OR51B5: variants seen among roughly 807,000 people sequenced by gnomAD.
The protein encoded by OR51B5 is olfactory receptor family 51 subfamily B member 5.
For synonymous variants in OR51B5, 186 were observed against 144.8 expected (o/e 1.28, Z -2.04); for missense variants, 456 against 374.6 (o/e 1.22, Z -1.79).
chr11:5,367,291 G>A (rs1387249206), intron 1 of OR51B5, among the ~76,000 whole-genome samples: 2 of 152,112 alleles, frequency 1.3e-5, no homozygotes, highest in African/African-American at 4.8e-5. Flanking sequence ...GAAAGAATTT[G>A]GGGCAAATCC....
At chr11:5,389,163 C>G (rs1849750150) in intron 1 of OR51B5, among the ~76,000 whole-genome samples, 1 of 151,960 alleles carries the variant, frequency 6.6e-6, no homozygotes, top group African/African-American at 2.4e-5. Flanking sequence ...TAAAGGCACA[C>G]CAGCAAAGAG....
chr11:5,481,062 G>C lies in OR51B5; in HGVS notation n.84+24507C>G, dbSNP rs1301266613. On this transcript the variant is annotated intron_variant and non_coding_transcript_variant, in intron 1 of 4. Transcript: ENST00000415970. ...CAGGCAGAGACACAACCAAAAAAGA[G>C]AATTTTAGACCAATATCCTTGATGA... 3.1e-4 allele frequency among the ~76,000 whole-genome samples: 18 copies of C among 57,402 alleles called. No individual in the cohort carries two copies. In the South Asian group the frequency reaches 0.017, roughly 54 times the overall value. The allele number at this position is 57,402 out of a possible 152,430, so 37.7% of individuals were successfully genotyped here.
chr11:5,475,815 T>C (rs1042164393), intron 1 of OR51B5, among the ~76,000 whole-genome samples: 3 of 152,182 alleles, frequency 2.0e-5, no homozygotes, highest in African/African-American at 7.2e-5. Context: ...CATAACAGCA[T>C]CAGCATTCCT....
At chr11:5,420,612 C>T (rs2736592) in intron 1 of OR51B5, among the ~76,000 whole-genome samples, 124,862 of 151,998 alleles carry the variant, frequency 0.82, 52,099 homozygotes, top group Non-Finnish European at 0.89. Flanking sequence ...ATTATATCTA[C>T]TTGTCTTTCT....
chr11:5,362,483 T>C (rs4910769), intron 1 of OR51B5: 55,096 of 154,938 alleles, frequency 0.36, 10,263 homozygotes, highest in Non-Finnish European at 0.39. Flanking sequence ...CTGGATACTA[T>C]GAATCAGAAT....
At chr11:5,355,647 AAAGT>A (rs1365056528) in intron 1 of OR51B5, 17 of 152,286 alleles carry the variant, frequency 1.1e-4, no homozygotes, top group African/African-American at 3.9e-4. Context: ...AGACTGTCCT[AAAGT>A]AAGATAGGTG....
At chr11:5,393,073 A>T (rs1008275113) in intron 1 of OR51B5, 4 of 152,250 alleles carry the variant, frequency 2.6e-5, no homozygotes, top group Admixed American at 2.0e-4. Flanking sequence ...TGTCTCAGAA[A>T]TGCCACTTCT....
intron 1 of OR51B5, among the ~76,000 whole-genome samples, chr11:5,370,785 A>G (rs1849435889): frequency 6.6e-6 from 1 of 152,204 alleles, no homozygotes; most frequent in Non-Finnish European, 1.5e-5. Context: ...TATAGCTGCT[A>G]TGAAAGAAAG....
At chr11:5,448,572 T>C (rs1356360066) in intron 1 of OR51B5, among the ~76,000 whole-genome samples, 4 of 152,168 alleles carry the variant, frequency 2.6e-5, no homozygotes, top group African/African-American at 9.7e-5. Flanking sequence ...TAATGATATA[T>C]TAGCTTAAAC....
At chr11:5,406,145 G>A (rs956439230) in intron 1 of OR51B5, among the ~76,000 whole-genome samples, 1 of 152,142 alleles carries the variant, frequency 6.6e-6, no homozygotes, top group Admixed American at 6.5e-5. Flanking sequence ...TTTTCTTTCT[G>A]AGATTGCATA....
At chr11:5,380,436 T>A (rs1413501163) in intron 1 of OR51B5, among the ~76,000 whole-genome samples, 1 of 152,162 alleles carries the variant, frequency 6.6e-6, no homozygotes. Context: ...ATGGAGTTCT[T>A]CTGGGAAGGA....
intron 1 of OR51B5, among the ~76,000 whole-genome samples, chr11:5,411,307 G>C (rs184621917): frequency 6.6e-6 from 1 of 152,276 alleles, no homozygotes; most frequent in Admixed American, 6.5e-5. Context: ...GTATTCAGTA[G>C]AGCAACATGT....
chr11:5,357,761 T>A (rs924628722), intron 1 of OR51B5, among the ~76,000 whole-genome samples: 9 of 149,708 alleles, frequency 6.0e-5, no homozygotes, highest in Non-Finnish European at 1.3e-4. Context: ...CCTCAGCAAA[T>A]GTAAAAGAAC....
intron 1 of OR51B5, among the ~76,000 whole-genome samples, chr11:5,411,213 T>C (rs1850144497): frequency 6.6e-6 from 1 of 152,208 alleles, no homozygotes; most frequent in African/African-American, 2.4e-5. Flanking sequence ...TCATTGTTTA[T>C]CTGTTGTAGC....
At chr11:5,354,463 A>AGACAAGATAAAAAGTCCAAGAGAGGT (rs1849155371) in intron 1 of OR51B5, among the ~76,000 whole-genome samples, 2 of 149,878 alleles carry the variant, frequency 1.3e-5, no homozygotes, top group Admixed American at 1.3e-4. Flanking sequence ...TGTGATGAAG[A>AGACAAGATAAAAAGTCCAAGAGAGGT]GACAAGATAA....
intron 1 of OR51B5, among the ~76,000 whole-genome samples, chr11:5,365,334 A>G (rs1158639868): frequency 6.6e-6 from 1 of 152,202 alleles, no homozygotes; most frequent in African/African-American, 2.4e-5. Context: ...TAGAGCATAC[A>G]CTGATGCCAA....
At chr11:5,430,956 G>A (rs753430363) in intron 1 of OR51B5, 25 of 456,854 alleles carry the variant, frequency 5.5e-5, no homozygotes, top group African/African-American at 4.4e-4. Context: ...AAGAGACCAC[G>A]ATAAGCAATG....
At chr11:5,505,547 G>C (rs1846360122) in intron 1 of OR51B5, 3 of 1,135,368 alleles carry the variant, frequency 2.6e-6, no homozygotes, top group Non-Finnish European at 3.4e-6. Flanking sequence ...ATTTATAAAA[G>C]AAAGAGGTTT....
At chr11:5,408,930 T>A (rs1480762252) in intron 1 of OR51B5, among the ~76,000 whole-genome samples, 1 of 152,064 alleles carries the variant, frequency 6.6e-6, no homozygotes, top group African/African-American at 2.4e-5. Context: ...ATAATAATAT[T>A]TTTGTAACAC....
Sources: gnomAD v4.1 joint callset for allele counts (sites outside exome capture counted in the v4.1 genomes callset) on GRCh38, gnomAD v4.1.1 for gene constraint, MANE v1.5 for transcripts, NCBI Gene and HGNC (gene_info 2026-07-23, HGNC 2026-07-21) for gene names.